SGCZ: variants seen among roughly 807,000 people sequenced by gnomAD.
SGCZ encodes sarcoglycan zeta.
Under a neutral mutation model 41.3 loss-of-function variants are expected in SGCZ, and 40 were observed. The observed-to-expected ratio is 0.97, with a 90% CI of 0.75 to 1.26. The LOEUF (loss-of-function observed/expected upper bound fraction) is 1.26. Among genes scored for constraint, SGCZ ranks in the 50% most tolerant of loss-of-function variants. SGCZ has a pLI of 0.00. For synonymous variants in SGCZ, 206 were observed against 137.5 expected, an observed-to-expected ratio of 1.50 and a Z score of -3.49; for missense variants, 552 against 369.8, an observed-to-expected ratio of 1.49 and a Z score of -4.04.
intron 1 of SGCZ, among the ~76,000 whole-genome samples, chr8:14,633,032 A>T (rs193201881): frequency 1.1e-4 from 16 of 152,124 alleles, no homozygotes; most frequent in Non-Finnish European, 2.1e-4. Context: ...AAATAGGTAG[A>T]GAAGTGATTG....
intron 1 of SGCZ, among the ~76,000 whole-genome samples, chr8:15,010,186 A>T (rs1467131642): frequency 6.6e-6 from 1 of 152,202 alleles, no homozygotes; most frequent in Non-Finnish European, 1.5e-5. Context: ...AACACAAACT[A>T]AACATTTGTT....
At chr8:14,796,460 G>T (rs1306416142) in intron 1 of SGCZ, among the ~76,000 whole-genome samples, 1 of 151,668 alleles carries the variant, frequency 6.6e-6, no homozygotes, top group African/African-American at 2.4e-5. Context: ...TGTGTCACAA[G>T]GTCACTTATT....
intron 1 of SGCZ, among the ~76,000 whole-genome samples, chr8:15,124,535 G>A (rs2116958455): frequency 6.6e-6 from 1 of 152,198 alleles, no homozygotes; most frequent in Non-Finnish European, 1.5e-5. Context: ...AAATAGAAGA[G>A]GATTTTAAAA....
intron 1 of SGCZ, among the ~76,000 whole-genome samples, chr8:15,095,472 G>A (rs1806312553): frequency 6.6e-6 from 1 of 151,826 alleles, no homozygotes; most frequent in Non-Finnish European, 1.5e-5. Flanking sequence ...TTCTTAATAG[G>A]TTTTCATTTG....
intron 2 of SGCZ, among the ~76,000 whole-genome samples, chr8:14,395,421 A>G (rs2117229234): frequency 6.6e-6 from 1 of 152,314 alleles, no homozygotes; most frequent in East Asian, 1.9e-4. Flanking sequence ...GGATTTAAAA[A>G]GAGACTATTG....
At chr8:14,325,070 A>G (rs1448264757) in intron 2 of SGCZ, among the ~76,000 whole-genome samples, 4 of 152,158 alleles carry the variant, frequency 2.6e-5, no homozygotes, top group Non-Finnish European at 5.9e-5. Context: ...CATACATATA[A>G]TTTAAGGAGA....
At chr8:14,958,325 A>C (rs1042804513) in intron 1 of SGCZ, among the ~76,000 whole-genome samples, 4 of 152,074 alleles carry the variant, frequency 2.6e-5, no homozygotes, top group Admixed American at 1.3e-4. Flanking sequence ...AAAATTCCCC[A>C]AAAACAGAAA....
chr8:15,081,149 A>G (rs527311824), intron 1 of SGCZ, among the ~76,000 whole-genome samples: 1 of 152,282 alleles, frequency 6.6e-6, no homozygotes, highest in East Asian at 1.9e-4. Context: ...TATGCTTCTC[A>G]AAAGGTGCTT....
intron 1 of SGCZ, among the ~76,000 whole-genome samples, chr8:14,569,676 GC>G (rs1804491761): frequency 6.6e-6 from 1 of 152,170 alleles, no homozygotes; most frequent in Non-Finnish European, 1.5e-5. Flanking sequence ...GCTCAAGAAT[GC>G]CAAGGAAGGA....
intron 1 of SGCZ, among the ~76,000 whole-genome samples, chr8:14,854,226 T>C (rs1803461810): frequency 6.6e-6 from 1 of 151,604 alleles, no homozygotes; most frequent in Admixed American, 6.6e-5. Flanking sequence ...TTTTGACTTG[T>C]AAATGTTGGG....
chr8:15,010,817 T>C (rs184891601), intron 1 of SGCZ, among the ~76,000 whole-genome samples: 1 of 152,254 alleles, frequency 6.6e-6, no homozygotes, highest in East Asian at 1.9e-4. Flanking sequence ...TTGTCACCCA[T>C]GGTGACAATG....
chr8:14,439,004 G>A (rs2117361090), intron 2 of SGCZ, among the ~76,000 whole-genome samples: 1 of 152,010 alleles, frequency 6.6e-6, no homozygotes, highest in East Asian at 1.9e-4. Context: ...TTATAATGCA[G>A]GATCTTTCAC....
chr8:14,346,692 G>A (rs555705219), intron 2 of SGCZ, among the ~76,000 whole-genome samples: 4 of 152,010 alleles, frequency 2.6e-5, no homozygotes. Context: ...CATTATAAGG[G>A]AAGAATAATT....
At chr8:15,217,890 C>T (rs1478064894) in intron 1 of SGCZ, among the ~76,000 whole-genome samples, 4 of 152,062 alleles carry the variant, frequency 2.6e-5, no homozygotes, top group Non-Finnish European at 5.9e-5. Flanking sequence ...GAGTTAGAGA[C>T]CAGGCTGGCC....
intron 1 of SGCZ, among the ~76,000 whole-genome samples, chr8:14,936,010 C>G (rs752569031): frequency 6.6e-6 from 1 of 151,782 alleles, no homozygotes; most frequent in African/African-American, 2.4e-5. Flanking sequence ...ATTAAATGAT[C>G]GATTCACTAA....
At chr8:14,398,767 T>C (rs1441413490) in intron 2 of SGCZ, among the ~76,000 whole-genome samples, 1 of 152,162 alleles carries the variant, frequency 6.6e-6, no homozygotes, top group Non-Finnish European at 1.5e-5. Context: ...AGTTATAATG[T>C]CCAGCATTGA....
At chr8:14,490,821 CAA>C (rs3068618) in intron 2 of SGCZ, among the ~76,000 whole-genome samples, 73,237 of 151,800 alleles carry the variant, frequency 0.48, 17,823 homozygotes, top group Admixed American at 0.54. Context: ...TTGATCATTT[CAA>C]AAAAAAAATC....
intron 3 of SGCZ, among the ~76,000 whole-genome samples, chr8:14,315,571 A>G (rs1801688000): frequency 6.6e-6 from 1 of 152,068 alleles, no homozygotes; most frequent in Non-Finnish European, 1.5e-5. Context: ...ATAAGAAGAA[A>G]ATCAAAGTAA....
chr8:14,623,740 C>G (rs1301513847), intron 1 of SGCZ, among the ~76,000 whole-genome samples: 1 of 152,106 alleles, frequency 6.6e-6, no homozygotes, highest in Non-Finnish European at 1.5e-5. Flanking sequence ...TTCCGCCTCC[C>G]TGCAGTTGAG....
Sources: allele counts gnomAD v4.1 joint callset (sites outside exome capture counted in the v4.1 genomes callset), GRCh38; gene constraint gnomAD v4.1.1; transcripts MANE v1.5; gene names NCBI Gene and HGNC (gene_info 2026-07-23, HGNC 2026-07-21).